POLR1A: variants seen among roughly 807,000 people sequenced by gnomAD.
The protein encoded by POLR1A is RNA polymerase I subunit A, also known as DNA-directed RNA polymerase I subunit RPA1.
POLR1A carries 84 observed loss-of-function variants against 205.3 expected under a neutral mutation model. That is an observed-to-expected ratio of 0.41 (90% CI 0.34 to 0.49). The LOEUF (loss-of-function observed/expected upper bound fraction) is 0.49, where lower values mean the gene tolerates loss of function less well. Ranked by LOEUF, POLR1A falls within the 20% of genes least tolerant of loss-of-function variation. The probability of loss-of-function intolerance (pLI) is 0.22; values close to 1 mark genes in which losing one functional copy is unlikely to be tolerated. For synonymous variants in POLR1A, 799 were observed against 863.7 expected, an observed-to-expected ratio of 0.93 and a Z score of 1.31; for missense variants, 1,645 against 2,204.5, an observed-to-expected ratio of 0.75 and a Z score of 5.08.
intron 9 of POLR1A, among the ~76,000 whole-genome samples, chr2:86,079,857 TGGC>T (rs1573827434): frequency 6.6e-6 from 1 of 152,182 alleles, no homozygotes; most frequent in East Asian, 1.9e-4. Context: ...CTATCATGCC[TGGC>T]CAGGCTGCCC....
Position 86,081,192 on chromosome 2 carries a change from T to C in POLR1A, c.924-214A>G, listed in dbSNP as rs531136668. Among the ~76,000 whole-genome samples the C allele has an allele frequency of 4.7e-4, 71 of 152,212 alleles. No homozygotes were observed. In the South Asian group the frequency reaches 0.015, roughly 31 times the overall value. On this transcript the variant is annotated intron_variant, in intron 8 of 33. Transcript: ENST00000263857. Reference sequence around the variant, plus strand: ...AGGTGGATCACTGGAGGTCAGGAGTTCGAGACCAGCCTGGCCAACATGGTG... The same window carrying C: ...AGGTGGATCACTGGAGGTCAGGAGTCCGAGACCAGCCTGGCCAACATGGTG...
At chr2:86,067,997 C>A (rs551755183) in intron 13 of POLR1A, among the ~76,000 whole-genome samples, 1 of 152,066 alleles carries the variant, frequency 6.6e-6, no homozygotes, top group East Asian at 1.9e-4. Context: ...CTTAAGTGTA[C>A]GCCCAACCTA....
intron 6 of POLR1A, among the ~76,000 whole-genome samples, chr2:86,085,904 G>A (rs1358212278): frequency 6.6e-6 from 1 of 152,228 alleles, no homozygotes; most frequent in Non-Finnish European, 1.5e-5. Flanking sequence ...TTGGCTATAT[G>A]AATTCTCATT....
chr2:86,099,852 T>C (rs1558788224), intron 2 of POLR1A, 116 bp downstream of exon 2: 2 of 760,288 alleles, frequency 2.6e-6, no homozygotes, highest in Non-Finnish European at 2.3e-6. Context: ...TTCTACAGAA[T>C]GCTTTCATTG....
At chr2:86,087,745 G>T (rs957001057) in intron 6 of POLR1A, among the ~76,000 whole-genome samples, 1 of 67,644 alleles carries the variant, frequency 1.5e-5, no homozygotes, top group Admixed American at 1.8e-4. Context: ...GTTTCACCAC[G>T]TTGGCCAGGC....
intron 2 of POLR1A, 147 bp from the exon 3 acceptor site, chr2:86,098,907 T>G (rs1251921769): frequency 1.2e-5 from 8 of 647,460 alleles, no homozygotes; most frequent in Non-Finnish European, 2.1e-5. Context: ...AAGGCCTTTG[T>G]TATCTTAAGA....
chr2:86,091,002 T>C (rs1186945043), intron 3 of POLR1A, among the ~76,000 whole-genome samples: 3 of 152,186 alleles, frequency 2.0e-5, no homozygotes, highest in African/African-American at 4.8e-5. Context: ...GCTTTTTTAG[T>C]ATAAGGTTAG....
At chr2:86,100,784 G>A (rs998213755) in intron 1 of POLR1A, among the ~76,000 whole-genome samples, 1 of 151,998 alleles carries the variant, frequency 6.6e-6, no homozygotes, top group Non-Finnish European at 1.5e-5. Context: ...CTAGAGATCC[G>A]CCTGCCTCAG....
At position 86,028,021 on chromosome 2, in the gene POLR1A, G is replaced by A. The variant is rs1287937612; in HGVS notation, c.4926C>T (p.Ser1642=). The change falls in exon 33 of 34, where the codon TCC becomes TCT. Residue 1642 remains serine (S), a synonymous_variant. Transcript: ENST00000263857. This position sits in a 1 kb window ranked among gnomAD's most constrained non-coding sequence, Gnocchi z 4.5. The stretch of plus-strand genomic sequence containing the variant: ...CGAAGCACATATAATCAGCAACCAG[G>A]GAGAGATGGCGAGGGTCGACCGCGA... ...YGIAVDPRHL[S]LVADYMCFEG... is the part of the protein sequence containing the mutation. 6.2e-7 allele frequency: 1 copy of A among 1,614,202 alleles called. No homozygotes were observed. The highest frequency in any genetic ancestry group is 8.5e-7 in the Non-Finnish European group (1 of 1,180,038).
At chr2:86,029,963 A>G (rs1672352259) in intron 31 of POLR1A, among the ~76,000 whole-genome samples, 1 of 152,154 alleles carries the variant, frequency 6.6e-6, no homozygotes, top group African/African-American at 2.4e-5. Flanking sequence ...TGGGTTGGAT[A>G]AGTTCAGCAG....
At chr2:86,088,509 T>G (rs2104427941) in intron 6 of POLR1A, 57 bp downstream of exon 6, 1 of 1,103,260 alleles carries the variant, frequency 9.1e-7, no homozygotes, top group Non-Finnish European at 1.4e-6. Flanking sequence ...ATTCCCAGGG[T>G]TTAGGACACA....
At chr2:86,058,182 G>A in intron 14 of POLR1A, among the ~76,000 whole-genome samples, 1 of 152,090 alleles carries the variant, frequency 6.6e-6, no homozygotes, top group East Asian at 1.9e-4. Flanking sequence ...CTCACTGCAA[G>A]CTCCACCTCC....
At chr2:86,049,385 A>G (rs1249276868) in intron 16 of POLR1A, 143 bp from the exon 17 acceptor site, 4 of 637,688 alleles carry the variant, frequency 6.3e-6, no homozygotes, top group Non-Finnish European at 8.4e-6. Context: ...TAACATCATT[A>G]TTAACAGATT....
At chr2:86,033,873 T>C in intron 27 of POLR1A, 86 bp from the exon 28 acceptor site, 1 of 1,504,890 alleles carries the variant, frequency 6.6e-7, no homozygotes, top group Non-Finnish European at 9.0e-7. Context: ...CGCTGAGGGA[T>C]TCCCACAGGG....
At chr2:86,065,021 C>G (rs1010275175) in intron 14 of POLR1A, among the ~76,000 whole-genome samples, 1 of 152,040 alleles carries the variant, frequency 6.6e-6, no homozygotes, top group Non-Finnish European at 1.5e-5. Context: ...GTGATCTGCC[C>G]GCCTCAGTCT....
rs1016603306 is a variant in POLR1A, at chr2:86,026,080, A to T, written c.*1343T>A. The T allele has an allele frequency of 1.3e-5, 2 of 152,368 alleles. No homozygotes were observed. Among genetic ancestry groups the T allele is most frequent in the African/African-American group, 4.8e-5 (2 of 41,450 alleles). 9.4% of individuals were successfully genotyped at this position (152,368 alleles called of 1,614,324 possible). ...CCCCACCCCAGACCAAGGCTAGCAC[A>T]GCTTCTGCATAAAGGCTTCTCCCCT... On this transcript the variant is annotated 3_prime_UTR_variant, in exon 34 of 34. Coordinates refer to ENST00000263857, the MANE Select transcript of POLR1A (RefSeq NM_015425.6).
chr2:86,025,964 T>C lies in POLR1A; in HGVS notation c.*1459A>G, dbSNP rs1039645367. The stretch of plus-strand genomic sequence containing the variant: ...CCTAGGAGGTGCAGGCTGGGTCCTA[T>C]TGCATGGATGTAGGGAGCAACATGG... On this transcript the variant is annotated 3_prime_UTR_variant, in exon 34 of 34. Transcript: ENST00000263857. 30 of 152,122 alleles carry C rather than the reference T, an allele frequency of 2.0e-4. No individual in the cohort carries two copies. The highest frequency in any genetic ancestry group is 6.2e-4 in the South Asian group (3 of 4,812). The allele number at this position is 152,122 out of a possible 1,614,324, so 9.4% of individuals were successfully genotyped here. A position where few individuals can be genotyped will look rare whatever the true frequency, so the allele number is the denominator to read the frequency against.
chr2:86,103,104 C>G (rs758133262), intron 1 of POLR1A, among the ~76,000 whole-genome samples: 1 of 152,092 alleles, frequency 6.6e-6, no homozygotes, highest in Non-Finnish European at 1.5e-5. Flanking sequence ...GGAACAGACA[C>G]AAAATGTATA....
intron 14 of POLR1A, among the ~76,000 whole-genome samples, chr2:86,055,076 C>T (rs1187449964): frequency 6.6e-6 from 1 of 152,194 alleles, no homozygotes; most frequent in African/African-American, 2.4e-5. Context: ...ACGGGTGGAT[C>T]ATGAGGTCAA....
Sources: allele counts gnomAD v4.1 joint callset (sites outside exome capture counted in the v4.1 genomes callset), GRCh38; gene constraint gnomAD v4.1.1; non-coding constraint Gnocchi (gnomAD v3.1); transcripts MANE v1.5; gene names NCBI Gene and HGNC (gene_info 2026-07-23, HGNC 2026-07-21).